NASP: variants seen among roughly 807,000 people sequenced by gnomAD.
NASP encodes nuclear autoantigenic sperm protein.
A neutral mutation model predicts 89.5 loss-of-function variants in NASP; 24 were observed. The observed-to-expected ratio is 0.27, with a 90% CI of 0.19 to 0.38. NASP has a LOEUF of 0.38. Among genes scored for constraint, NASP ranks in the 10% least tolerant of loss-of-function variants. The pLI, the probability that NASP is intolerant of heterozygous loss-of-function variation, is 1.00. For synonymous variants in NASP, 306 were observed against 324.7 expected (o/e 0.94, Z 0.62); for missense variants, 848 against 921.4 (o/e 0.92, Z 1.03).
intron 1 of NASP, among the ~76,000 whole-genome samples, chr1:45,587,888 A>G (rs1209891904): frequency 6.7e-6 from 1 of 149,624 alleles, no homozygotes; most frequent in Non-Finnish European, 1.5e-5. Context: ...CGGGAGGCAG[A>G]GGTTGCAGTG....
rs1031628949 is a variant in NASP, at chr1:45,614,084, G to A, written c.1507-12G>A. The A allele has an allele frequency of 3.9e-6, 6 of 1,549,684 alleles. No individual in the cohort carries two copies. The highest frequency in any genetic ancestry group is 4.5e-6 in the Non-Finnish European group (5 of 1,123,152). ...AAGATGCCTATCTTTTTATTATTTG[G>A]TTATACTTTAGTCTCTTCAAGAAAA... is the stretch of plus-strand genomic sequence containing the variant. On this transcript the variant is annotated splice_polypyrimidine_tract_variant and intron_variant, in intron 7 of 14. Transcript: ENST00000350030.
chr1:45,593,580 A>T lies in NASP; in HGVS notation c.107+2310A>T, dbSNP rs1023953972. Among the ~76,000 whole-genome samples, 18 of 143,288 alleles carry T rather than the reference A, an allele frequency of 1.3e-4. No individual in the cohort carries two copies. In the Admixed American group the frequency reaches 1.3e-3, roughly 10 times the overall value. The allele number at this position is 143,288 out of a possible 152,430, so 94.0% of individuals were successfully genotyped here. A position where few individuals can be genotyped will look rare whatever the true frequency, so the allele number is the denominator to read the frequency against. On this transcript the variant is annotated intron_variant, in intron 2 of 14. Coordinates refer to ENST00000350030, the MANE Select transcript of NASP (RefSeq NM_002482.4). ...ACTCCGAGAACAGTTTTATATTTTTATTTTCATGCTGAAAGTCAGATTTGC... is the reference window on the plus strand; with the variant it reads ...ACTCCGAGAACAGTTTTATATTTTTTTTTTCATGCTGAAAGTCAGATTTGC...
intron 11 of NASP, 195 bp downstream of exon 11, chr1:45,615,666 AC>A (rs1485360738): frequency 7.2e-6 from 4 of 556,504 alleles, no homozygotes; most frequent in African/African-American, 3.8e-5. Flanking sequence ...TTCCATACTT[AC>A]GTGTGGCCAT....
chr1:45,596,912 G>A (rs1643710152), intron 2 of NASP, among the ~76,000 whole-genome samples: 1 of 152,138 alleles, frequency 6.6e-6, no homozygotes, highest in Admixed American at 6.5e-5. Context: ...GAACCTGGGA[G>A]GCAGAGGTTG....
intron 2 of NASP, among the ~76,000 whole-genome samples, chr1:45,595,187 G>GTGTGTGTT (rs1643663501): frequency 1.5e-5 from 2 of 131,280 alleles, no homozygotes; most frequent in Non-Finnish European, 3.3e-5. Context: ...GTGTGTGTGT[G>GTGTGTGTT]TTTTAGAGAC....
Position 45,585,590 on chromosome 1 carries a change from A to G in NASP, c.59+1385A>G, listed in dbSNP as rs1229937759. On this transcript the variant is annotated intron_variant, in intron 1 of 14. Transcript: ENST00000350030. ...TGGGCTTGGGAGTCGTGCTATAGCT[A>G]TTATAAAAAGAGCTGCTTTTTATAA... 8.5e-5 allele frequency among the ~76,000 whole-genome samples: 13 copies of G among 152,288 alleles called. No homozygotes were observed. The South Asian group carries it at 2.5e-3, about 29-fold the overall frequency.
chr1:45,613,678 G>A (rs1308743449), intron 7 of NASP, among the ~76,000 whole-genome samples: 5 of 152,008 alleles, frequency 3.3e-5, no homozygotes, highest in Admixed American at 6.6e-5. Flanking sequence ...TTGTTTAGAC[G>A]GCTGTCTTGC....
chr1:45,615,487 A>G lies in NASP; in HGVS notation c.2022+16A>G. ...AGCTACTCTGGTTGGTTCCGTTAAC[A>G]TTTTGATAATAGCATGTTTGGTACC... On this transcript the variant is annotated intron_variant, in intron 11 of 14. Transcript: ENST00000350030. 5 of 1,597,436 alleles carry G rather than the reference A, an allele frequency of 3.1e-6. No individual in the cohort carries two copies. Among genetic ancestry groups the G allele is most frequent in the Non-Finnish European group, 4.3e-6 (5 of 1,174,010 alleles).
At chr1:45,584,677 C>T (rs1570935997) in intron 1 of NASP, among the ~76,000 whole-genome samples, 2 of 25,708 alleles carry the variant, frequency 7.8e-5, no homozygotes, top group East Asian at 7.9e-4. Context: ...CCTGAGGGGT[C>T]GGGGTGGGCG....
At chr1:45,588,760 A>G (rs1414473269) in intron 1 of NASP, 1 of 285,244 alleles carries the variant, frequency 3.5e-6, no homozygotes, top group African/African-American at 2.3e-5. Flanking sequence ...AACACGGTGA[A>G]ACCCCATCTC....
At chr1:45,585,405 G>A (rs1644519257) in intron 1 of NASP, among the ~76,000 whole-genome samples, 1 of 152,102 alleles carries the variant, frequency 6.6e-6, no homozygotes, top group African/African-American at 2.4e-5. Context: ...AGAGATTTAC[G>A]TATATCTCTG....
intron 2 of NASP, among the ~76,000 whole-genome samples, chr1:45,599,951 G>GTTTT (rs1375366938): frequency 1.4e-4 from 14 of 101,932 alleles, no homozygotes; most frequent in African/African-American, 5.2e-4. Flanking sequence ...CTTTTCCTCT[G>GTTTT]TATTTTTTTT....
At chr1:45,584,885 G>C (rs949206214) in intron 1 of NASP, among the ~76,000 whole-genome samples, 3 of 152,222 alleles carry the variant, frequency 2.0e-5, no homozygotes, top group African/African-American at 7.2e-5. Context: ...TGTGCTGGGA[G>C]ATAGTTATCG....
At position 45,614,091 on chromosome 1, in the gene NASP, T is replaced by C; in HGVS notation, c.1507-5T>C. ...CTATCTTTTTATTATTTGGTTATAC[T>C]TTAGTCTCTTCAAGAAAATGAGGAG... is the stretch of plus-strand genomic sequence containing the variant. On this transcript the variant is annotated splice_polypyrimidine_tract_variant and splice_region_variant and intron_variant, in intron 7 of 14. Coordinates refer to ENST00000350030, the MANE Select transcript of NASP (RefSeq NM_002482.4). The C allele has an allele frequency of 6.4e-7, 1 of 1,572,378 alleles. No individual in the cohort carries two copies. The highest frequency in any genetic ancestry group is 1.3e-5 in the African/African-American group (1 of 74,106).
Position 45,614,329 on chromosome 1 carries a change from G to T in NASP, c.1629G>T (p.Gln543His), listed in dbSNP as rs200289180. Residue 543 changes from glutamine (Q) to histidine (H), a missense_variant, in exon 9 of 15, where the codon CAG becomes CAT. Coordinates refer to ENST00000350030, the MANE Select transcript of NASP (RefSeq NM_002482.4). ...ETKEAQLYAA[Q>H]AHLKLGEVSV... ...AAGAAGCACAGCTTTATGCTGCCCA[G>T]GCACATCTTAAACTCGGAGAAGTTA... 1.2e-6 allele frequency: 2 copies of T among 1,614,048 alleles called. No individual in the cohort carries two copies. Among genetic ancestry groups the T allele is most frequent in the Non-Finnish European group, 1.7e-6 (2 of 1,179,936 alleles).
At chr1:45,615,861 T>G (rs1644096656) in intron 11 of NASP, 1 of 202,380 alleles carries the variant, frequency 4.9e-6, no homozygotes, top group Non-Finnish European at 1.0e-5. Flanking sequence ...CCAGAGAGCA[T>G]TTCCTTTGAG....
intron 11 of NASP, 96 bp from the exon 12 acceptor site, chr1:45,616,241 T>C (rs1448939647): frequency 1.8e-6 from 2 of 1,132,270 alleles, no homozygotes; most frequent in Non-Finnish European, 2.7e-6. Flanking sequence ...TTTCAGGTCT[T>C]AGTCAGTTGT....
Position 45,616,349 on chromosome 1 carries a change from A to C in NASP, c.2035A>C (p.Thr679Pro), listed in dbSNP as rs1284217977. The change falls in exon 12 of 15, where the codon ACT becomes CCT. Residue 679 changes from threonine (T) to proline (P), a missense_variant. Thr to Pro is a conservative substitution (Grantham distance 38). Around this residue, in one of 5 missense-constraint regions of NASP, gnomAD observed 218 missense variants for 219.6 expected, o/e 0.99. Coordinates refer to ENST00000350030, the MANE Select transcript of NASP (RefSeq NM_002482.4). ...ALKATLVESSTSGFTPGGGGS... is the reference protein window; with the variant it reads ...ALKATLVESSPSGFTPGGGGS... The stretch of plus-strand genomic sequence containing the variant: ...TCATTTCTCGCAGGTGGAGAGTTCT[A>C]CTTCAGGTTTCACTCCTGGTGGAGG... 4 of 1,614,160 alleles carry C rather than the reference A, an allele frequency of 2.5e-6. No homozygotes were observed. In the African/African-American group the frequency reaches 5.3e-5, roughly 22 times the overall value.
chr1:45,618,070 C>G lies in NASP; in HGVS notation c.2296C>G (p.Gln766Glu). ...SENMEEEAENQAESRAAVEGT... is the reference protein window; with the variant it reads ...SENMEEEAENEAESRAAVEGT... ...TCTGTTTGTCTTCCAGGCTGAGAAT[C>G]AGGCTGAAAGCCGGGCAGCAGTGGA... The change falls in exon 15 of 15, where the codon CAG becomes GAG. Residue 766 changes from glutamine (Q) to glutamate (E), a missense_variant. Gln to Glu is a conservative substitution (Grantham distance 29, BLOSUM62 2). This residue lies in a region of NASP where 218 missense variants were observed against 219.6 expected (regional missense o/e 0.99). Coordinates refer to ENST00000350030, the MANE Select transcript of NASP (RefSeq NM_002482.4). 1 of 1,601,064 alleles carries G rather than the reference C, an allele frequency of 6.2e-7. No homozygotes were observed. Among genetic ancestry groups the G allele is most frequent in the South Asian group, 1.1e-5 (1 of 88,374 alleles).
Sources: gnomAD v4.1 joint callset for allele counts (sites outside exome capture counted in the v4.1 genomes callset) on GRCh38, gnomAD v4.1.1 for gene constraint, gnomAD v4.1.1 regional missense constraint, MANE v1.5 for transcripts, NCBI Gene and HGNC (gene_info 2026-07-23, HGNC 2026-07-21) for gene names.